Variants in GALNT17 observed in about 807,000 individuals in gnomAD.
GALNT17 encodes polypeptide N-acetylgalactosaminyltransferase 17.
GALNT17 carries 29 observed loss-of-function variants against 63.7 expected under a neutral mutation model. That is an observed-to-expected ratio of 0.46 (90% CI 0.34 to 0.62). The LOEUF is 0.62. Among genes scored for constraint, GALNT17 ranks in the 20% least tolerant of loss-of-function variants. The pLI is 0.01. For synonymous variants in GALNT17, 305 were observed against 318.3 expected (o/e 0.96, Z 0.45); for missense variants, 603 against 799.6 (o/e 0.75, Z 2.97).
chr7:71,496,272 A>G (rs1788092541), intron 5 of GALNT17, among the ~76,000 whole-genome samples: 1 of 152,090 alleles, frequency 6.6e-6, no homozygotes, highest in African/African-American at 2.4e-5. Context: ...AGAAGGGGCC[A>G]GCAGCTGGGA....
chr7:71,253,549 C>T (rs1790238992), intron 1 of GALNT17, among the ~76,000 whole-genome samples: 1 of 150,306 alleles, frequency 6.7e-6, no homozygotes, highest in Admixed American at 6.6e-5. Context: ...CTCTTCCTTA[C>T]TGCCTACTCT....
At chr7:71,467,399 G>A (rs984073930) in intron 5 of GALNT17, among the ~76,000 whole-genome samples, 1 of 152,130 alleles carries the variant, frequency 6.6e-6, no homozygotes, top group African/African-American at 2.4e-5. Context: ...CACAGGAGAT[G>A]GAGTAAATAT....
At chr7:71,196,973 TA>T (rs143038465) in intron 1 of GALNT17, among the ~76,000 whole-genome samples, 36,057 of 151,322 alleles carry the variant, frequency 0.24, 4,464 homozygotes, top group East Asian at 0.44. Flanking sequence ...TTAAAAAATT[TA>T]TTTTTAATTT....
intron 1 of GALNT17, among the ~76,000 whole-genome samples, chr7:71,266,486 A>G (rs1270109267): frequency 2.6e-5 from 4 of 152,006 alleles, no homozygotes; most frequent in African/African-American, 9.7e-5. Flanking sequence ...ATCTTTCCCC[A>G]TGATTTTAAG....
intron 6 of GALNT17, among the ~76,000 whole-genome samples, chr7:71,575,123 G>T (rs537760877): frequency 6.6e-6 from 1 of 152,282 alleles, no homozygotes; most frequent in South Asian, 2.1e-4. Context: ...GCACTTCTGA[G>T]ACAATACTAC....
intron 1 of GALNT17, among the ~76,000 whole-genome samples, chr7:71,259,331 G>A (rs982968276): frequency 1.3e-5 from 2 of 152,214 alleles, no homozygotes; most frequent in African/African-American, 4.8e-5. Context: ...TCATGCACGT[G>A]TGCCTTGTCT....
chr7:71,498,780 T>G (rs1428371708), intron 5 of GALNT17, among the ~76,000 whole-genome samples: 1 of 152,188 alleles, frequency 6.6e-6, no homozygotes, highest in African/African-American at 2.4e-5. Context: ...CTGAAAACCC[T>G]GGAGAAGAAT....
At chr7:71,674,140 C>T (rs1584127954) in intron 8 of GALNT17, among the ~76,000 whole-genome samples, 1 of 152,106 alleles carries the variant, frequency 6.6e-6, no homozygotes, top group African/African-American at 2.4e-5. Flanking sequence ...TACATTCTAT[C>T]GGAAATATAA....
At chr7:71,365,406 T>C (rs545538028) in intron 2 of GALNT17, among the ~76,000 whole-genome samples, 1 of 152,186 alleles carries the variant, frequency 6.6e-6, no homozygotes, top group South Asian at 2.1e-4. Context: ...TCCCAGCTAA[T>C]TTTTTGTAGT....
intron 3 of GALNT17, among the ~76,000 whole-genome samples, chr7:71,404,021 A>G (rs1194543882): frequency 6.6e-6 from 1 of 152,174 alleles, no homozygotes; most frequent in South Asian, 2.1e-4. Flanking sequence ...CAAATGCCAG[A>G]CTTTCAAATG....
intron 5 of GALNT17, among the ~76,000 whole-genome samples, chr7:71,529,676 T>C (rs1241780220): frequency 2.0e-5 from 3 of 152,226 alleles, no homozygotes; most frequent in African/African-American, 7.2e-5. Context: ...TAGCATTCTT[T>C]ATTTTTTCTT....
intron 5 of GALNT17, among the ~76,000 whole-genome samples, chr7:71,455,594 C>T (rs748763946): frequency 5.3e-5 from 8 of 151,736 alleles, no homozygotes; most frequent in African/African-American, 1.9e-4. Context: ...ATGAGGAAAG[C>T]GCTGTGCCAG....
At chr7:71,327,895 G>C (rs141619195) in intron 1 of GALNT17, among the ~76,000 whole-genome samples, 19 of 152,306 alleles carry the variant, frequency 1.2e-4, no homozygotes, top group Admixed American at 2.0e-4. Flanking sequence ...CCCCAGCCCA[G>C]TAGGGAAAGA....
At chr7:71,319,295 GAAATTGGTGCTGTGAA>G (rs1791561717) in intron 1 of GALNT17, among the ~76,000 whole-genome samples, 1 of 151,906 alleles carries the variant, frequency 6.6e-6, no homozygotes, top group Non-Finnish European at 1.5e-5. Context: ...TTGGTTTTCT[GAAATTGGTGCTGTGAA>G]CATCACCAAT....
chr7:71,555,599 GC>G (rs1408204680), intron 5 of GALNT17, among the ~76,000 whole-genome samples: 1 of 151,924 alleles, frequency 6.6e-6, no homozygotes, highest in African/African-American at 2.4e-5. Flanking sequence ...AATTATATCA[GC>G]CTTTTTTGGC....
chr7:71,400,184 T>A (rs921280835), intron 3 of GALNT17, among the ~76,000 whole-genome samples: 4 of 152,030 alleles, frequency 2.6e-5, no homozygotes, highest in Non-Finnish European at 4.4e-5. Flanking sequence ...CAGTGTGTGA[T>A]GCTCCCCTCT....
intron 5 of GALNT17, among the ~76,000 whole-genome samples, chr7:71,509,922 CATG>C (rs1563145050): frequency 1.5e-4 from 23 of 148,664 alleles, no homozygotes; most frequent in African/African-American, 5.7e-4. Context: ...ATGTACATGA[CATG>C]CAATTCTCCA....
intron 6 of GALNT17, among the ~76,000 whole-genome samples, chr7:71,574,884 A>T (rs1277834094): frequency 6.6e-6 from 1 of 152,108 alleles, no homozygotes; most frequent in East Asian, 1.9e-4. Flanking sequence ...TTTAGCAGAA[A>T]GGAGCCCAGG....
intron 9 of GALNT17, among the ~76,000 whole-genome samples, chr7:71,701,312 C>A (rs1276380537): frequency 2.0e-5 from 3 of 151,982 alleles, no homozygotes; most frequent in South Asian, 2.1e-4. Flanking sequence ...CCTGGTGAAA[C>A]CTTGTCTCTA....
Sources: allele counts gnomAD v4.1 joint callset (sites outside exome capture counted in the v4.1 genomes callset), GRCh38; gene constraint gnomAD v4.1.1; transcripts MANE v1.5; gene names NCBI Gene and HGNC (gene_info 2026-07-23, HGNC 2026-07-21).